The following GALNT14 variants were observed in gnomAD, a reference collection of about 807,000 sequenced individuals.
GALNT14 encodes UDP-GalNAc:polypeptide N-acetylgalactosaminyltransferase 14.
Under a neutral mutation model 77.5 loss-of-function variants are expected in GALNT14, and 60 were observed. That is an observed-to-expected ratio of 0.77 (90% confidence interval 0.63 to 0.96). GALNT14 has a LOEUF of 0.96. GALNT14 is among the 40% of genes least tolerant of loss of function. The pLI, the probability that GALNT14 is intolerant of heterozygous loss-of-function variation, is 0.00. For synonymous variants in GALNT14, 280 were observed against 281.7 expected (o/e 0.99, Z 0.06); for missense variants, 710 against 731.0 (o/e 0.97, Z 0.33).
intron 6 of GALNT14, among the ~76,000 whole-genome samples, chr2:30,946,632 T>C (rs1004866342): frequency 6.6e-6 from 1 of 152,192 alleles, no homozygotes. Flanking sequence ...ATTTCTTCTA[T>C]AAATTACCCA....
intron 4 of GALNT14, 124 bp downstream of exon 4, chr2:30,958,273 C>T (rs2303325): frequency 0.14 from 104,498 of 753,948 alleles, 8,586 homozygotes; most frequent in Middle Eastern, 0.18. Context: ...CAAAGACTTC[C>T]GTACCTATTA....
intron 1 of GALNT14, among the ~76,000 whole-genome samples, chr2:31,072,593 G>A (rs941675132): frequency 7.2e-5 from 11 of 152,016 alleles, no homozygotes; most frequent in Non-Finnish European, 1.5e-4. Flanking sequence ...ACTCCTGCAG[G>A]TGAAGGAGAC....
At chr2:31,027,490 C>T (rs1351892872) in intron 1 of GALNT14, among the ~76,000 whole-genome samples, 2 of 151,944 alleles carry the variant, frequency 1.3e-5, no homozygotes, top group African/African-American at 4.8e-5. Context: ...GCCAAGGCAC[C>T]TCTTCAGAGA....
intron 1 of GALNT14, among the ~76,000 whole-genome samples, chr2:31,120,099 T>C (rs1297346500): frequency 1.1e-4 from 7 of 66,278 alleles, no homozygotes; most frequent in African/African-American, 2.7e-4. Context: ...GAGCTTGCAG[T>C]GAGCCGAGAT....
At chr2:30,955,560 A>G in intron 6 of GALNT14, 58 bp downstream of exon 6, 1 of 1,591,278 alleles carries the variant, frequency 6.3e-7, no homozygotes, top group Non-Finnish European at 8.5e-7. Context: ...TGAGCTTGAG[A>G]GAGAGCCTGG....
chr2:31,054,986 G>C (rs866172090), intron 1 of GALNT14, among the ~76,000 whole-genome samples: 1 of 152,184 alleles, frequency 6.6e-6, no homozygotes, highest in African/African-American at 2.4e-5. Flanking sequence ...CTATTTCCTG[G>C]GTGGCTAGGC....
intron 1 of GALNT14, among the ~76,000 whole-genome samples, chr2:31,074,105 G>T (rs1233937347): frequency 2.0e-5 from 3 of 152,176 alleles, no homozygotes; most frequent in African/African-American, 7.2e-5. Context: ...ATGGTGCAGA[G>T]GAAGTAGGAA....
At chr2:31,085,380 C>A (rs1224863852) in intron 1 of GALNT14, among the ~76,000 whole-genome samples, 1 of 152,214 alleles carries the variant, frequency 6.6e-6, no homozygotes, top group Non-Finnish European at 1.5e-5. Context: ...GCATGACCTT[C>A]AGGGCCTCCA....
At chr2:31,110,998 G>A (rs766362897) in intron 1 of GALNT14, among the ~76,000 whole-genome samples, 1 of 152,184 alleles carries the variant, frequency 6.6e-6, no homozygotes, top group Non-Finnish European at 1.5e-5. Context: ...TACCCCACTT[G>A]TAAGACAGAG....
intron 1 of GALNT14, among the ~76,000 whole-genome samples, chr2:31,021,324 G>A (rs577983927): frequency 1.1e-4 from 16 of 151,168 alleles, no homozygotes; most frequent in South Asian, 4.2e-4. Context: ...ATTTTTTTGC[G>A]ACAGAGTTTT....
chr2:30,902,480 A>C, the GALNT14 span, among the ~76,000 whole-genome samples: 833 of 152,206 alleles, frequency 5.5e-3, 7 homozygotes, highest in African/African-American at 0.018. Flanking sequence ...TATCACCCCA[A>C]GGGCTTTGGC....
intron 1 of GALNT14, among the ~76,000 whole-genome samples, chr2:31,039,861 T>G (rs1353540406): frequency 6.6e-6 from 1 of 152,204 alleles, no homozygotes; most frequent in Non-Finnish European, 1.5e-5. Flanking sequence ...GCTTCTAATC[T>G]ACTTCATAAA....
chr2:31,030,231 G>T (rs569765897), intron 1 of GALNT14, among the ~76,000 whole-genome samples: 1 of 152,158 alleles, frequency 6.6e-6, no homozygotes, highest in East Asian at 1.9e-4. Context: ...GTGGGGACTG[G>T]TGCCATTCTT....
chr2:31,092,989 T>C (rs1393193547), intron 1 of GALNT14, among the ~76,000 whole-genome samples: 2 of 152,206 alleles, frequency 1.3e-5, no homozygotes. Flanking sequence ...GCTATGTTTG[T>C]ACAATATGAT....
At chr2:31,087,435 G>A (rs1378932622) in intron 1 of GALNT14, among the ~76,000 whole-genome samples, 3 of 151,900 alleles carry the variant, frequency 2.0e-5, no homozygotes, top group Non-Finnish European at 4.4e-5. Flanking sequence ...GAAAAGTTAG[G>A]GGATCTACTG....
At chr2:30,932,638 G>A (rs975607684) in intron 9 of GALNT14, among the ~76,000 whole-genome samples, 2 of 152,276 alleles carry the variant, frequency 1.3e-5, no homozygotes, top group East Asian at 3.9e-4. Flanking sequence ...TCGAGAATAC[G>A]GGAGAATTTT....
At chr2:31,006,177 G>A (rs1426177810) in intron 1 of GALNT14, among the ~76,000 whole-genome samples, 1 of 152,164 alleles carries the variant, frequency 6.6e-6, no homozygotes, top group Non-Finnish European at 1.5e-5. Flanking sequence ...AATGTGTTTA[G>A]CATGGTTTGC....
At chr2:30,929,165 T>G (rs925743900) in intron 11 of GALNT14, among the ~76,000 whole-genome samples, 1 of 152,188 alleles carries the variant, frequency 6.6e-6, no homozygotes, top group Admixed American at 6.5e-5. Flanking sequence ...TCAGCTCCCC[T>G]AGAGCTGGCA....
At chr2:31,020,383 C>T (rs1384861282) in intron 1 of GALNT14, among the ~76,000 whole-genome samples, 1 of 152,108 alleles carries the variant, frequency 6.6e-6, no homozygotes, top group Non-Finnish European at 1.5e-5. Context: ...CCCCAGGGAA[C>T]AAATAGGTTT....
Sources: allele counts gnomAD v4.1 joint callset (sites outside exome capture counted in the v4.1 genomes callset), GRCh38; gene constraint gnomAD v4.1.1; transcripts MANE v1.5; gene names NCBI Gene and HGNC (gene_info 2026-07-23, HGNC 2026-07-21).